Variants in MAN1C1 observed in about 807,000 individuals in gnomAD.
MAN1C1 encodes mannosyl-oligosaccharide 1,2-alpha-mannosidase IC.
Under a neutral mutation model 71.5 loss-of-function variants are expected in MAN1C1, and 49 were observed. The ratio of observed to expected loss-of-function variants is 0.69; its 90% CI spans 0.54 to 0.87. The LOEUF (loss-of-function observed/expected upper bound fraction) is 0.87, where lower values mean the gene tolerates loss of function less well. MAN1C1 is among the 40% of genes least tolerant of loss of function. MAN1C1 has a pLI of 0.00. For synonymous variants in MAN1C1, 352 were observed against 343.7 expected (o/e 1.02, Z -0.27); for missense variants, 743 against 835.0 (o/e 0.89, Z 1.36).
rs1022438988 is a variant in MAN1C1, at chr1:25,779,492, T to C, written c.1477+1168T>C. 2.6e-5 allele frequency among the ~76,000 whole-genome samples: 4 copies of C among 152,240 alleles called. No individual in the cohort carries two copies. Among genetic ancestry groups the C allele is most frequent in the Non-Finnish European group, 5.9e-5 (4 of 68,040 alleles). On this transcript the variant is annotated intron_variant, in intron 9 of 11. Transcript: ENST00000374332. The surrounding 1 kb of genome is among the most constrained non-coding windows in gnomAD (Gnocchi z 4.6). ...GGTCTTTAAAACTGGTTGTCCATTC[T>C]CTTCAAAGAGCTTGCTCTGCCAGGG...
chr1:25,641,343 T>A (rs2045534678), intron 1 of MAN1C1, among the ~76,000 whole-genome samples: 1 of 152,340 alleles, frequency 6.6e-6, no homozygotes, highest in Middle Eastern at 3.4e-3. Flanking sequence ...TAAATTGTGA[T>A]GCCTAGACTT....
At chr1:25,660,669 C>T (rs912360699) in intron 1 of MAN1C1, among the ~76,000 whole-genome samples, 4 of 151,968 alleles carry the variant, frequency 2.6e-5, no homozygotes, top group African/African-American at 9.7e-5. Flanking sequence ...GCTGGGATTA[C>T]AGGTGTGAGT....
chr1:25,619,606 G>A (rs1227081879), intron 1 of MAN1C1, among the ~76,000 whole-genome samples: 1 of 152,210 alleles, frequency 6.6e-6, no homozygotes, highest in Non-Finnish European at 1.5e-5. Flanking sequence ...AGTTACAGTA[G>A]GAAGCCACAG....
chr1:25,637,011 C>G (rs559716248), intron 1 of MAN1C1, among the ~76,000 whole-genome samples: 41 of 152,150 alleles, frequency 2.7e-4, no homozygotes, highest in African/African-American at 9.9e-4. Flanking sequence ...AAAAATTTGC[C>G]GGGCATGGTG....
chr1:25,661,163 G>C (rs1027273163), intron 1 of MAN1C1, among the ~76,000 whole-genome samples: 4 of 152,196 alleles, frequency 2.6e-5, no homozygotes, highest in Admixed American at 6.5e-5. Context: ...TACATGCAGA[G>C]GGTTAGTTGT....
intron 1 of MAN1C1, among the ~76,000 whole-genome samples, chr1:25,683,967 A>G (rs145882676): frequency 2.8e-4 from 43 of 152,294 alleles, no homozygotes; most frequent in African/African-American, 9.9e-4. Context: ...TGGTTTGGAT[A>G]ACTATGAAAA....
At chr1:25,777,081 G>A (rs957185994) in intron 8 of MAN1C1, among the ~76,000 whole-genome samples, 3 of 152,196 alleles carry the variant, frequency 2.0e-5, no homozygotes, top group African/African-American at 4.8e-5. Context: ...GGTCCAGATC[G>A]TGGAGTCTTG....
rs551193834 is a variant in MAN1C1 at position 25,775,167 on chromosome 1, G to A, written c.1258-2938G>A. On this transcript the variant is annotated intron_variant, in intron 8 of 11. Transcript: ENST00000374332. This position sits in a 1 kb window ranked among gnomAD's most constrained non-coding sequence, Gnocchi z 5.1. ...CCAAAGTGTTGACAACTGGTGACTCGGACCCAGGTTTCTGAGCCCTGACAC... is the reference window on the plus strand; with the variant it reads ...CCAAAGTGTTGACAACTGGTGACTCAGACCCAGGTTTCTGAGCCCTGACAC... Among the ~76,000 whole-genome samples, 3 of 152,286 alleles carry A rather than the reference G, an allele frequency of 2.0e-5. No individual in the cohort carries two copies. Among genetic ancestry groups the A allele is most frequent in the South Asian group, 4.1e-4 (2 of 4,822 alleles).
At chr1:25,729,910 C>T (rs748039249) in intron 2 of MAN1C1, among the ~76,000 whole-genome samples, 16 of 152,252 alleles carry the variant, frequency 1.1e-4, no homozygotes, top group Non-Finnish European at 1.5e-4. Context: ...CCCAGGTCCC[C>T]GTGGCTCACA....
At chr1:25,771,098 G>A (rs1279585194) in intron 7 of MAN1C1, among the ~76,000 whole-genome samples, 3 of 152,184 alleles carry the variant, frequency 2.0e-5, no homozygotes, top group Admixed American at 6.5e-5. Context: ...AGGGCAGAGA[G>A]GGGGTGTTCC....
chr1:25,708,457 T>G lies in MAN1C1; in HGVS notation c.637+21921T>G, dbSNP rs908586342. On this transcript the variant is annotated intron_variant, in intron 2 of 11. Transcript: ENST00000374332. Reference sequence around the variant, plus strand: ...TTTGGCCAGCTTCTTTACCATAGCCTGTTTTATCAGCAAGGTCTTTGTGAC... The same window carrying G: ...TTTGGCCAGCTTCTTTACCATAGCCGGTTTTATCAGCAAGGTCTTTGTGAC... Among the ~76,000 whole-genome samples the G allele has an allele frequency of 2.6e-5, 4 of 152,170 alleles. No individual in the cohort carries two copies. In the East Asian group the frequency reaches 7.7e-4, roughly 29 times the overall value.
chr1:25,638,274 C>T (rs1175610432), intron 1 of MAN1C1, among the ~76,000 whole-genome samples: 1 of 152,118 alleles, frequency 6.6e-6, no homozygotes, highest in African/African-American at 2.4e-5. Context: ...TACATCATTT[C>T]ATGTATAATG....
At chr1:25,678,322 A>G (rs2124154204) in intron 1 of MAN1C1, among the ~76,000 whole-genome samples, 1 of 152,388 alleles carries the variant, frequency 6.6e-6, no homozygotes, top group East Asian at 1.9e-4. Context: ...CAAATGGAAC[A>G]AATATCTGTC....
At chr1:25,649,733 G>A (rs565472786) in intron 1 of MAN1C1, among the ~76,000 whole-genome samples, 6 of 152,282 alleles carry the variant, frequency 3.9e-5, no homozygotes, top group African/African-American at 1.4e-4. Flanking sequence ...CCCCTCCCGG[G>A]TTCAAGCAAT....
At chr1:25,625,923 G>A (rs774991148) in intron 1 of MAN1C1, among the ~76,000 whole-genome samples, 6 of 152,196 alleles carry the variant, frequency 3.9e-5, no homozygotes, top group East Asian at 1.9e-4. Flanking sequence ...CATATTGTGC[G>A]TATCAGTACT....
intron 1 of MAN1C1, among the ~76,000 whole-genome samples, chr1:25,620,048 G>A (rs764379705): frequency 2.7e-4 from 41 of 152,350 alleles, no homozygotes; most frequent in Middle Eastern, 6.8e-3. Flanking sequence ...CCAGGGGCTG[G>A]AGAGTCATGG....
Position 25,628,418 on chromosome 1 carries a change from C to T in MAN1C1, c.540+10081C>T, listed in dbSNP as rs552834619. 3.3e-4 allele frequency among the ~76,000 whole-genome samples: 50 copies of T among 152,290 alleles called. 1 individual carries two copies. The South Asian group carries it at 9.9e-3, about 30-fold the overall frequency. The stretch of plus-strand genomic sequence containing the variant: ...CGCCTCCCGGGTTCAAGCAATTCTC[C>T]TGCCTCAGTCTCCCGAGTAGCTGAG... On this transcript the variant is annotated intron_variant, in intron 1 of 11. Transcript: ENST00000374332.
intron 2 of MAN1C1, among the ~76,000 whole-genome samples, chr1:25,705,045 T>C (rs1235755054): frequency 6.6e-6 from 1 of 152,260 alleles, no homozygotes; most frequent in African/African-American, 2.4e-5. Context: ...CCTTTATTTA[T>C]GTTGGAAGTA....
At chr1:25,728,347 G>A (rs1050896181) in intron 2 of MAN1C1, among the ~76,000 whole-genome samples, 25 of 152,076 alleles carry the variant, frequency 1.6e-4, no homozygotes, top group African/African-American at 5.3e-4. Flanking sequence ...GTGGTTCCTC[G>A]CTGCTTGCAA....
Sources: allele counts gnomAD v4.1 joint callset (sites outside exome capture counted in the v4.1 genomes callset), GRCh38; gene constraint gnomAD v4.1.1; non-coding constraint Gnocchi (gnomAD v3.1); transcripts MANE v1.5; gene names NCBI Gene and HGNC (gene_info 2026-07-23, HGNC 2026-07-21).